TLX3: variants seen among roughly 807,000 people sequenced by gnomAD.
The protein encoded by TLX3 is T cell leukemia homeobox 3.
TLX3 carries 11 observed loss-of-function variants against 19.6 expected under a neutral mutation model. The ratio of observed to expected loss-of-function variants is 0.56; its 90% CI spans 0.35 to 0.93. The LOEUF (loss-of-function observed/expected upper bound fraction) is 0.93, where lower values mean the gene tolerates loss of function less well. TLX3 is among the 40% of genes least tolerant of loss of function. The pLI is 0.01. For synonymous variants in TLX3, 221 were observed against 188.1 expected, an observed-to-expected ratio of 1.17 and a Z score of -1.43; for missense variants, 375 against 418.6, an observed-to-expected ratio of 0.90 and a Z score of 0.91.
At position 171,312,029 on chromosome 5, in the gene TLX3, A is replaced by G; in HGVS notation, c.*430A>G. 5.2e-6 allele frequency: 1 copy of G among 192,840 alleles called. No individual in the cohort carries two copies. Among genetic ancestry groups the G allele is most frequent in the Admixed American group, 6.1e-5 (1 of 16,270 alleles). 11.9% of individuals were successfully genotyped at this position (192,840 alleles called of 1,614,324 possible). A position where few individuals can be genotyped will look rare whatever the true frequency, so the allele number is the denominator to read the frequency against. ...GGCAGCCGACCCGGCCGCTGGGGGA[A>G]GTGCCAGGGGCCCGGGGCACCCTGC... On this transcript the variant is annotated 3_prime_UTR_variant, in exon 3 of 3. Transcript: ENST00000296921.
In TLX3 at chr5:171,309,327, T is replaced by TTCCCCC; in HGVS notation, c.-39_-38insTCCCCC. ...GCGCCGTAACGGGGACCCAGCCGCC[T>TTCCCCC]CCCCGCCCAGCCCAGCCCAGCCCTT... On this transcript the variant is annotated 5_prime_UTR_variant, in exon 1 of 3. Coordinates refer to ENST00000296921, the MANE Select transcript of TLX3 (RefSeq NM_021025.4). 1 of 976,978 alleles carries TTCCCCC rather than the reference T, an allele frequency of 1.0e-6. No homozygotes were observed. The highest frequency in any genetic ancestry group is 1.5e-6 in the Non-Finnish European group (1 of 668,410). 60.5% of individuals were successfully genotyped at this position (976,978 alleles called of 1,614,324 possible).
rs1303819006 is a variant in TLX3 at position 171,311,218 on chromosome 5, C to T, written c.666-171C>T. ...CACAACAAAAACAAATGATCCTAACCGGCTCCCTGGATATAAGAGCCTCGG... is the reference window on the plus strand; with the variant it reads ...CACAACAAAAACAAATGATCCTAACTGGCTCCCTGGATATAAGAGCCTCGG... On this transcript the variant is annotated intron_variant, in intron 2 of 2. Transcript: ENST00000296921. This position sits in a 1 kb window ranked among gnomAD's most constrained non-coding sequence, Gnocchi z 5.1. Among the ~76,000 whole-genome samples, 1 of 152,190 alleles carries T rather than the reference C, an allele frequency of 6.6e-6. No individual in the cohort carries two copies. Among genetic ancestry groups the T allele is most frequent in the Non-Finnish European group, 1.5e-5 (1 of 68,026 alleles).
At position 171,310,217 on chromosome 5, in the gene TLX3, G is replaced by T. The variant is rs200530381; in HGVS notation, c.489G>T (p.Pro163=). 6.4e-6 allele frequency: 10 copies of T among 1,555,760 alleles called. No individual in the cohort carries two copies. The East Asian group carries it at 2.4e-4, about 38-fold the overall frequency. ...GCCACCCCTACCAGAACCGGACGCCGCCCAAGCGTAAGAAGCCGCGCACGT... is the reference window on the plus strand; with the variant it reads ...GCCACCCCTACCAGAACCGGACGCCTCCCAAGCGTAAGAAGCCGCGCACGT... The part of the protein sequence containing the change: ...RIGHPYQNRT[P]PKRKKPRTSF... The change falls in exon 2 of 3, where the codon CCG becomes CCT. Residue 163 remains proline (P), a synonymous_variant. Coordinates refer to ENST00000296921, the MANE Select transcript of TLX3 (RefSeq NM_021025.4).
chr5:171,309,529 C>T lies in TLX3; in HGVS notation c.164C>T (p.Thr55Ile). The T allele has an allele frequency of 6.4e-7, 1 of 1,571,322 alleles. No homozygotes were observed. Among genetic ancestry groups the T allele is most frequent in the Admixed American group, 1.9e-5 (1 of 53,626 alleles). ...CCCCCCGGGGGCCGTCCGGGCGCCACATACCCGTCTCTGCCCGCCTCCTTT... is the reference window on the plus strand; with the variant it reads ...CCCCCCGGGGGCCGTCCGGGCGCCATATACCCGTCTCTGCCCGCCTCCTTT... Reference protein sequence around the residue: ...GGPPGGRPGATYPSLPASFAG... With the variant: ...GGPPGGRPGAIYPSLPASFAG... The change falls in exon 1 of 3, where the codon ACA (threonine) becomes ATA (isoleucine). Residue 55 changes from threonine (T) to isoleucine (I), a missense_variant. Around this residue, in one of 3 missense-constraint regions of TLX3, gnomAD observed 239 missense variants for 217.0 expected, o/e 1.10. Coordinates refer to ENST00000296921, the MANE Select transcript of TLX3 (RefSeq NM_021025.4).
In TLX3 at chr5:171,309,344, C is replaced by A; in HGVS notation, c.-22C>A. On this transcript the variant is annotated 5_prime_UTR_variant, in exon 1 of 3. Transcript: ENST00000296921. ...CAGCCGCCTCCCCGCCCAGCCCAGC[C>A]CAGCCCTTCCGCCCGCCCAGGATGG... The A allele has an allele frequency of 6.7e-7, 1 of 1,500,870 alleles. No homozygotes were observed. Among genetic ancestry groups the A allele is most frequent in the Non-Finnish European group, 9.0e-7 (1 of 1,105,748 alleles). 93.0% of individuals were successfully genotyped at this position (1,500,870 alleles called of 1,614,324 possible).
rs1275999490 is a variant in TLX3 at position 171,309,583 on chromosome 5, C to A, written c.218C>A (p.Ala73Glu). The change falls in exon 1 of 3, where the codon GCG (alanine) becomes GAG (glutamate). Residue 73 changes from alanine to glutamate, a missense_variant. By Grantham distance (107) the Ala-to-Glu change is moderately radical. Transcript: ENST00000296921. Reference protein sequence around the residue: ...FAGLGAPFEDAGSYSVNLSLA... With the variant: ...FAGLGAPFEDEGSYSVNLSLA... ...GGCCTCGGCGCGCCCTTCGAGGACGCGGGATCTTACAGTGTGAACCTGAGC... is the reference window on the plus strand; with the variant it reads ...GGCCTCGGCGCGCCCTTCGAGGACGAGGGATCTTACAGTGTGAACCTGAGC... The A allele has an allele frequency of 1.3e-6, 2 of 1,599,982 alleles. No individual in the cohort carries two copies. Among genetic ancestry groups the A allele is most frequent in the Non-Finnish European group, 8.5e-7 (1 of 1,174,428 alleles).
In TLX3 at chr5:171,311,286, AGGCTCCCGGATGGCCTC is replaced by A. The variant is rs990880879; in HGVS notation, c.666-93_666-77del. 144 of 1,010,024 alleles carry A rather than the reference AGGCTCCCGGATGGCCTC, an allele frequency of 1.4e-4. 1 individual carries two copies. The highest frequency in any genetic ancestry group is 3.2e-4 in the Middle Eastern group (1 of 3,080). 62.6% of individuals were successfully genotyped at this position (1,010,024 alleles called of 1,614,324 possible). A position where few individuals can be genotyped will look rare whatever the true frequency, so the allele number is the denominator to read the frequency against. ...GGAGGCAGACGGGTTCTGCGCCTCG[AGGCTCCCGGATGGCCTC>A]GGCTCCCGGGAGGGCCGGGGCCCCG... is the stretch of plus-strand genomic sequence containing the variant. On this transcript the variant is annotated intron_variant, in intron 2 of 2. Transcript: ENST00000296921. This position sits in a 1 kb window ranked among gnomAD's most constrained non-coding sequence, Gnocchi z 5.1.
chr5:171,309,327 T>TCCCCCCCCCCCCCCCCC lies in TLX3; in HGVS notation c.-35_-34insCCCCCCCCCCCCCCCCC. The stretch of plus-strand genomic sequence containing the variant: ...GCGCCGTAACGGGGACCCAGCCGCC[T>TCCCCCCCCCCCCCCCCC]CCCCGCCCAGCCCAGCCCAGCCCTT... On this transcript the variant is annotated 5_prime_UTR_variant, in exon 1 of 3. Transcript: ENST00000296921. 1.0e-6 allele frequency: 1 copy of TCCCCCCCCCCCCCCCCC among 976,978 alleles called. No homozygotes were observed. Among genetic ancestry groups the TCCCCCCCCCCCCCCCCC allele is most frequent in the Non-Finnish European group, 1.5e-6 (1 of 668,410 alleles). 60.5% of individuals were successfully genotyped at this position (976,978 alleles called of 1,614,324 possible).
chr5:171,309,553 T>C lies in TLX3; in HGVS notation c.188T>C (p.Phe63Ser), dbSNP rs754666809. 4.1e-5 allele frequency: 65 copies of C among 1,580,172 alleles called. No individual in the cohort carries two copies. Among genetic ancestry groups the C allele is most frequent in the Middle Eastern group, 1.7e-4 (1 of 6,020 alleles). Residue 63 changes from phenylalanine (F) to serine (S), a missense_variant, in exon 1 of 3, where the codon TTT (phenylalanine) becomes TCT (serine). Coordinates refer to ENST00000296921, the MANE Select transcript of TLX3 (RefSeq NM_021025.4). ...ACATACCCGTCTCTGCCCGCCTCCT[T>C]TGCGGGCCTCGGCGCGCCCTTCGAG... ...GATYPSLPAS[F>S]AGLGAPFEDA...
In TLX3 at chr5:171,309,716, C is replaced by T. The variant is rs749719421; in HGVS notation, c.351C>T (p.Val117=). The T allele has an allele frequency of 1.9e-6, 3 of 1,611,432 alleles. No individual in the cohort carries two copies. The highest frequency in any genetic ancestry group is 1.7e-6 in the Non-Finnish European group (2 of 1,179,350). The part of the protein sequence containing the change: ...ALPAMPSVPT[V]SSLGGLNFPW... ...CCGCCATGCCCTCCGTGCCCACGGT[C>T]TCCAGCCTTGGCGGTCTCAATTTCC... The change falls in exon 1 of 3, where the codon GTC becomes GTT. Residue 117 remains valine, a synonymous_variant. Coordinates refer to ENST00000296921, the MANE Select transcript of TLX3 (RefSeq NM_021025.4).
chr5:171,311,776 T>C lies in TLX3; in HGVS notation c.*177T>C, dbSNP rs1355997066. ...CCGCGGAAGGGGGTAGGGCCCGAGC[T>C]CCGCGCGGCCGCACAATCCGAGCCC... On this transcript the variant is annotated 3_prime_UTR_variant, in exon 3 of 3. Transcript: ENST00000296921. This position sits in a 1 kb window ranked among gnomAD's most constrained non-coding sequence, Gnocchi z 5.1. 2.3e-6 allele frequency: 1 copy of C among 432,730 alleles called. No homozygotes were observed. Among genetic ancestry groups the C allele is most frequent in the Non-Finnish European group, 4.0e-6 (1 of 250,652 alleles). The allele number at this position is 432,730 out of a possible 1,614,324, so 26.8% of individuals were successfully genotyped here.
chr5:171,310,494 C>T (rs2113028425), intron 2 of TLX3, 101 bp downstream of exon 2: 1 of 1,423,988 alleles, frequency 7.0e-7, no homozygotes. Flanking sequence ...ATCCACTACC[C>T]CCGCCCCCCT....
At position 171,309,345 on chromosome 5, in the gene TLX3, C is replaced by CCCCCCCCCCCAA. The variant is rs2128050914; in HGVS notation, c.-21_-20insCCCCCCCCCCAA. ...AGCCGCCTCCCCGCCCAGCCCAGCC[C>CCCCCCCCCCCAA]AGCCCTTCCGCCCGCCCAGGATGGA... On this transcript the variant is annotated 5_prime_UTR_variant, in exon 1 of 3. Transcript: ENST00000296921. 5.1e-5 allele frequency: 74 copies of CCCCCCCCCCCAA among 1,444,888 alleles called. No homozygotes were observed. Among genetic ancestry groups the CCCCCCCCCCCAA allele is most frequent in the Non-Finnish European group, 6.5e-5 (69 of 1,057,888 alleles). 89.5% of individuals were successfully genotyped at this position (1,444,888 alleles called of 1,614,324 possible). A position where few individuals can be genotyped will look rare whatever the true frequency, so the allele number is the denominator to read the frequency against.
In TLX3 at chr5:171,311,450, C is replaced by A. The variant is rs142802207; in HGVS notation, c.727C>A (p.Leu243Met). Residue 243 changes from leucine (L) to methionine (M), a missense_variant, in exon 3 of 3, where the codon CTG (leucine) becomes ATG (methionine). By Grantham distance (15) the Leu-to-Met change is conservative. Around this residue, in one of 3 missense-constraint regions of TLX3, gnomAD observed 62 missense variants for 63.1 expected, o/e 0.98. Transcript: ENST00000296921. This position sits in a 1 kb window ranked among gnomAD's most constrained non-coding sequence, Gnocchi z 5.1. The stretch of plus-strand genomic sequence containing the variant: ...GCAGGCGAGCCGGCTCATGCTGCAG[C>A]TGCAACACGACGCCTTCCAAAAGAG... ...RQQASRLMLQ[L>M]QHDAFQKSLN... is the part of the protein sequence containing the mutation. The A allele has an allele frequency of 1.6e-4, 247 of 1,593,118 alleles. No homozygotes were observed. Among genetic ancestry groups the A allele is most frequent in the East Asian group, 8.4e-4 (37 of 43,874 alleles).
At position 171,310,304 on chromosome 5, in the gene TLX3, C is replaced by T. The variant is rs1769198944; in HGVS notation, c.576C>T (p.Ala192=). ...GCTTCCATCGCCAGAAGTACCTGGC[C>T]TCTGCCGAGAGGGCGGCGCTCGCCA... ...EKRFHRQKYL[A]SAERAALAKS... is the part of the protein sequence containing the mutation. Residue 192 remains alanine (A), a synonymous_variant, in exon 2 of 3, where the codon GCC becomes GCT. Transcript: ENST00000296921. The T allele has an allele frequency of 6.2e-7, 1 of 1,605,374 alleles. No individual in the cohort carries two copies. Among genetic ancestry groups the T allele is most frequent in the Non-Finnish European group, 8.5e-7 (1 of 1,176,308 alleles).
In TLX3 at chr5:171,311,425, G is replaced by A. The variant is rs1367835115; in HGVS notation, c.702G>A (p.Gln234=). Residue 234 remains glutamine, a synonymous_variant, in exon 3 of 3, where the codon CAG becomes CAA. Transcript: ENST00000296921. The surrounding 1 kb of genome is among the most constrained non-coding windows in gnomAD (Gnocchi z 5.1). ...CGGAGGAGCGGGAGGCGGAGCGGCA[G>A]CAGGCGAGCCGGCTCATGCTGCAGC... is the stretch of plus-strand genomic sequence containing the variant. ...QTAEEREAER[Q]QASRLMLQLQ... 1.9e-6 allele frequency: 3 copies of A among 1,567,336 alleles called. No homozygotes were observed. Among genetic ancestry groups the A allele is most frequent in the Non-Finnish European group, 1.7e-6 (2 of 1,157,306 alleles).
chr5:171,311,636 C>G lies in TLX3; in HGVS notation c.*37C>G, dbSNP rs1470607606. The G allele has an allele frequency of 1.3e-6, 2 of 1,532,636 alleles. No homozygotes were observed. The highest frequency in any genetic ancestry group is 2.8e-5 in the African/African-American group (2 of 71,536). The allele number at this position is 1,532,636 out of a possible 1,614,324, so 94.9% of individuals were successfully genotyped here. A position where few individuals can be genotyped will look rare whatever the true frequency, so the allele number is the denominator to read the frequency against. ...CGCACCGTCGCCACGGATCGCCGCC[C>G]CCACCCAGCCGGGCGCCCCGGACCC... is the stretch of plus-strand genomic sequence containing the variant. On this transcript the variant is annotated 3_prime_UTR_variant, in exon 3 of 3. Coordinates refer to ENST00000296921, the MANE Select transcript of TLX3 (RefSeq NM_021025.4). The surrounding 1 kb of genome is among the most constrained non-coding windows in gnomAD (Gnocchi z 5.1).
intron 1 of TLX3, 49 bp downstream of exon 1, chr5:171,309,835 A>C: frequency 1.3e-6 from 2 of 1,501,976 alleles, no homozygotes; most frequent in Non-Finnish European, 1.8e-6. Flanking sequence ...TCTCGGGGCC[A>C]GAGGCGCCGC....
At chr5:171,310,101 C>A in intron 1 of TLX3, 49 bp from the exon 2 acceptor site, 1 of 1,529,832 alleles carries the variant, frequency 6.5e-7, no homozygotes, top group Non-Finnish European at 8.8e-7. Flanking sequence ...GGGGCCTGAA[C>A]GGTGGCGGAG....
Sources: allele counts gnomAD v4.1 joint callset (sites outside exome capture counted in the v4.1 genomes callset), GRCh38; gene constraint gnomAD v4.1.1; regional missense constraint gnomAD v4.1.1; non-coding constraint Gnocchi (gnomAD v3.1); transcripts MANE v1.5; gene names NCBI Gene and HGNC (gene_info 2026-07-23, HGNC 2026-07-21).